The following NEK1 variants were observed in gnomAD, a reference collection of about 807,000 sequenced individuals.
NEK1 encodes serine/threonine-protein kinase Nek1.
In NEK1, 137 loss-of-function variants were observed where a neutral mutation model predicts 182.1. That is an observed-to-expected ratio of 0.75 (90% CI 0.65 to 0.87). The LOEUF (loss-of-function observed/expected upper bound fraction) is 0.87. Among genes scored for constraint, NEK1 ranks in the 40% least tolerant of loss-of-function variants. The pLI is 0.00. For synonymous variants in NEK1, 513 were observed against 492.2 expected (o/e 1.04, Z -0.56); for missense variants, 1,391 against 1,494.4 (o/e 0.93, Z 1.14).
intron 12 of NEK1, among the ~76,000 whole-genome samples, chr4:169,568,451 T>G (rs1764072174): frequency 6.6e-6 from 1 of 152,136 alleles, no homozygotes; most frequent in South Asian, 2.1e-4. Flanking sequence ...CCACGGCACA[T>G]TTTTTTAAAA....
chr4:169,397,781 G>T (rs539744850), intron 35 of NEK1, among the ~76,000 whole-genome samples: 1 of 152,312 alleles, frequency 6.6e-6, no homozygotes, highest in Non-Finnish European at 1.5e-5. Context: ...TCAAAAGAGG[G>T]TGTCAATTCT....
chr4:169,455,152 G>A (rs1044061899), intron 27 of NEK1, among the ~76,000 whole-genome samples: 1 of 152,228 alleles, frequency 6.6e-6, no homozygotes, highest in African/African-American at 2.4e-5. Context: ...ACAGGGCAGG[G>A]AACATCACAC....
intron 18 of NEK1, among the ~76,000 whole-genome samples, chr4:169,551,665 A>G (rs1434017248): frequency 2.0e-5 from 3 of 152,142 alleles, no homozygotes; most frequent in East Asian, 1.9e-4. Context: ...AAAATTAACC[A>G]AAGTCTTCAT....
At chr4:169,546,357 T>C (rs893364883) in intron 18 of NEK1, among the ~76,000 whole-genome samples, 2 of 152,236 alleles carry the variant, frequency 1.3e-5, no homozygotes, top group African/African-American at 4.8e-5. Context: ...CTCTTTGTTA[T>C]GATTTCCATT....
intron 6 of NEK1, among the ~76,000 whole-genome samples, chr4:169,590,317 T>TAGAC (rs779764524): frequency 0.016 from 2,190 of 139,858 alleles, 46 homozygotes; most frequent in African/African-American, 0.051. Flanking sequence ...TCAAAAACAA[T>TAGAC]AGATAGACAG....
At chr4:169,560,938 G>A (rs1029635006) in intron 16 of NEK1, among the ~76,000 whole-genome samples, 1 of 152,084 alleles carries the variant, frequency 6.6e-6, no homozygotes, top group African/African-American at 2.4e-5. Flanking sequence ...GGGACGTGAG[G>A]GTGAGGAGGG....
intron 18 of NEK1, among the ~76,000 whole-genome samples, chr4:169,552,499 G>A (rs1350612560): frequency 6.6e-6 from 1 of 152,038 alleles, no homozygotes; most frequent in African/African-American, 2.4e-5. Context: ...CATATTTAAT[G>A]GAAACTTGAA....
At chr4:169,584,071 A>G (rs1490769914) in intron 10 of NEK1, among the ~76,000 whole-genome samples, 1 of 152,248 alleles carries the variant, frequency 6.6e-6, no homozygotes, top group Admixed American at 6.5e-5. Context: ...CTAAACCAGA[A>G]AAGTAAAACA....
rs1655940312 is a variant in NEK1, at chr4:169,612,422, G to A, written c.-373C>T. On this transcript the variant is annotated 5_prime_UTR_variant, in exon 1 of 36. Coordinates refer to ENST00000507142, the MANE Select transcript of NEK1 (RefSeq NM_001199397.3). ...GGTCGTTGCTAGTGGCCACGGCGGG[G>A]TGGGGACGGGCGGCGTTCGGGACTG... 2.6e-5 allele frequency: 4 copies of A among 152,170 alleles called. No individual in the cohort carries two copies. In the South Asian group the frequency reaches 8.3e-4, roughly 32 times the overall value. The allele number at this position is 152,170 out of a possible 1,614,324, so 9.4% of individuals were successfully genotyped here.
rs137956231 is a variant in NEK1, at chr4:169,392,870, A to C, written c.*1640T>G. On this transcript the variant is annotated 3_prime_UTR_variant, in exon 36 of 36. Coordinates refer to ENST00000507142, the MANE Select transcript of NEK1 (RefSeq NM_001199397.3). ...CTTCCACATGTCAATTCCAACACTT[A>C]TAATAGACCTTACTGAAAAATAGCC... 2.0e-5 allele frequency: 3 copies of C among 152,224 alleles called. No individual in the cohort carries two copies. The highest frequency in any genetic ancestry group is 4.4e-5 in the Non-Finnish European group (3 of 68,040). 9.4% of individuals were successfully genotyped at this position (152,224 alleles called of 1,614,324 possible).
intron 5 of NEK1, among the ~76,000 whole-genome samples, chr4:169,597,631 A>G (rs1769747184): frequency 6.6e-6 from 1 of 151,724 alleles, no homozygotes; most frequent in Non-Finnish European, 1.5e-5. Flanking sequence ...GCGAGAGCCT[A>G]TCTTAAAAAT....
intron 19 of NEK1, among the ~76,000 whole-genome samples, chr4:169,527,933 TA>T (rs1391414754): frequency 6.6e-6 from 1 of 152,010 alleles, no homozygotes; most frequent in Non-Finnish European, 1.5e-5. Flanking sequence ...AAATTCACTA[TA>T]AAAAACTCAC....
At chr4:169,429,222 C>G (rs369287175) in intron 29 of NEK1, among the ~76,000 whole-genome samples, 5 of 152,276 alleles carry the variant, frequency 3.3e-5, no homozygotes, top group Middle Eastern at 3.4e-3. Flanking sequence ...TGGCTGTATA[C>G]AGAAACACAG....
chr4:169,435,376 G>C (rs1332852784), intron 28 of NEK1, among the ~76,000 whole-genome samples: 1 of 152,070 alleles, frequency 6.6e-6, no homozygotes, highest in Non-Finnish European at 1.5e-5. Flanking sequence ...TTCAACATAT[G>C]ATTTTTTTGG....
intron 32 of NEK1, among the ~76,000 whole-genome samples, chr4:169,405,604 G>A (rs995017611): frequency 8.5e-5 from 13 of 152,146 alleles, no homozygotes; most frequent in African/African-American, 2.7e-4. Context: ...AGGCTGCAGT[G>A]AGCTATCATC....
At chr4:169,582,601 G>A (rs1430852609) in intron 10 of NEK1, among the ~76,000 whole-genome samples, 1 of 151,926 alleles carries the variant, frequency 6.6e-6, no homozygotes. Context: ...TCTCCATCTT[G>A]TCCCCAAATC....
chr4:169,401,947 T>C (rs1186497083), intron 32 of NEK1, 87 bp from the exon 33 acceptor site: 1 of 1,144,626 alleles, frequency 8.7e-7, no homozygotes, highest in Non-Finnish European at 1.2e-6. Context: ...ACTGAAATTT[T>C]ACTTCTACTC....
intron 16 of NEK1, among the ~76,000 whole-genome samples, chr4:169,557,140 G>A (rs1239238679): frequency 1.3e-5 from 2 of 151,842 alleles, no homozygotes; most frequent in Non-Finnish European, 2.9e-5. Context: ...AAGAAAGTAA[G>A]GCAGAGGAAT....
chr4:169,417,090 G>T (rs933017027), intron 31 of NEK1, among the ~76,000 whole-genome samples: 1 of 152,142 alleles, frequency 6.6e-6, no homozygotes, highest in African/African-American at 2.4e-5. Context: ...AGTTGGGATG[G>T]CAATTACTAG....
Sources: gnomAD v4.1 joint callset for allele counts (sites outside exome capture counted in the v4.1 genomes callset) on GRCh38, gnomAD v4.1.1 for gene constraint, MANE v1.5 for transcripts, NCBI Gene and HGNC (gene_info 2026-07-23, HGNC 2026-07-21) for gene names.